Variants in SLIT3 observed in about 807,000 individuals in gnomAD.
SLIT3 encodes slit homolog 3 protein.
A neutral mutation model predicts 184.0 loss-of-function variants in SLIT3; 68 were observed. The observed-to-expected ratio is 0.37, with a 90% CI of 0.30 to 0.45. The LOEUF is 0.45. SLIT3 is among the 20% of genes least tolerant of loss of function. SLIT3 has a pLI of 1.00. For synonymous variants in SLIT3, 831 were observed against 828.6 expected, an observed-to-expected ratio of 1.00 and a Z score of -0.05; for missense variants, 1,707 against 2,026.0, an observed-to-expected ratio of 0.84 and a Z score of 3.02.
intron 4 of SLIT3, among the ~76,000 whole-genome samples, chr5:168,889,914 C>A (rs9313426): frequency 0.41 from 61,362 of 151,456 alleles, 12,751 homozygotes; most frequent in Non-Finnish European, 0.45. Flanking sequence ...GAGGTTGAGG[C>A]GGGTGGATCA....
At chr5:168,878,881 A>C (rs1241799428) in intron 5 of SLIT3, among the ~76,000 whole-genome samples, 1 of 151,882 alleles carries the variant, frequency 6.6e-6, no homozygotes, top group African/African-American at 2.4e-5. Context: ...CACCCAGCTA[A>C]TTTTTGTATT....
rs369087952 is a variant in SLIT3 at position 168,893,152 on chromosome 5, C to T, written c.414-9816G>A. Among the ~76,000 whole-genome samples the T allele has an allele frequency of 3.9e-5, 6 of 152,304 alleles. No individual in the cohort carries two copies. In the East Asian group the frequency reaches 9.6e-4, roughly 24 times the overall value. Reference sequence around the variant, plus strand: ...ATTGAGTACCTGAGATAGTCCCCTGCCAATTTTGGACCCAATGAGAAGTTC... The same window carrying T: ...ATTGAGTACCTGAGATAGTCCCCTGTCAATTTTGGACCCAATGAGAAGTTC... On this transcript the variant is annotated intron_variant, in intron 4 of 35. Transcript: ENST00000519560.
At chr5:168,754,101 TC>T in intron 16 of SLIT3, 94 bp from the exon 17 acceptor site, 4 of 1,385,634 alleles carry the variant, frequency 2.9e-6, no homozygotes, top group Non-Finnish European at 3.9e-6. Flanking sequence ...CTGGGGACTC[TC>T]TGGGGCCCCT....
chr5:168,725,469 A>G (rs1763081038), intron 20 of SLIT3, among the ~76,000 whole-genome samples: 1 of 152,226 alleles, frequency 6.6e-6, no homozygotes, highest in Non-Finnish European at 1.5e-5. Flanking sequence ...GATGGCTTAC[A>G]AGAACTGCTT....
chr5:168,812,674 C>G (rs555223693), intron 8 of SLIT3, among the ~76,000 whole-genome samples: 1 of 152,042 alleles, frequency 6.6e-6, no homozygotes, highest in Non-Finnish European at 1.5e-5. Flanking sequence ...CAACAGACTG[C>G]GATGACAATG....
chr5:168,885,638 C>G (rs1760170859), intron 4 of SLIT3, among the ~76,000 whole-genome samples: 1 of 152,220 alleles, frequency 6.6e-6, no homozygotes, highest in Non-Finnish European at 1.5e-5. Flanking sequence ...TGGCTGCTCT[C>G]TCTGGCGGCT....
At chr5:168,691,100 C>G (rs1262745000) in intron 29 of SLIT3, among the ~76,000 whole-genome samples, 1 of 152,160 alleles carries the variant, frequency 6.6e-6, no homozygotes, top group East Asian at 1.9e-4. Context: ...GAACTTCTTT[C>G]TTTTCTAAAT....
chr5:169,088,592 A>G (rs1759416740), intron 4 of SLIT3, among the ~76,000 whole-genome samples: 1 of 152,140 alleles, frequency 6.6e-6, no homozygotes, highest in Non-Finnish European at 1.5e-5. Flanking sequence ...GGAGAGACTG[A>G]TAATTACACC....
Position 168,846,009 on chromosome 5 carries a change from C to A in SLIT3, c.486-1354G>T, listed in dbSNP as rs761533150. ...GACATGTCAAAGCTACCTTTGGGAACCCTCTTCCAGGGCTTTATTTTCTAC... is the reference window on the plus strand; with the variant it reads ...GACATGTCAAAGCTACCTTTGGGAAACCTCTTCCAGGGCTTTATTTTCTAC... On this transcript the variant is annotated intron_variant, in intron 5 of 35. Transcript: ENST00000519560. 3.3e-5 allele frequency among the ~76,000 whole-genome samples: 5 copies of A among 152,170 alleles called. No individual in the cohort carries two copies. In the South Asian group the frequency reaches 8.3e-4, roughly 25 times the overall value.
intron 2 of SLIT3, among the ~76,000 whole-genome samples, chr5:169,246,563 C>CA (rs1561764463): frequency 2.6e-5 from 4 of 152,084 alleles, no homozygotes; most frequent in African/African-American, 9.7e-5. Flanking sequence ...AAAGTTCTTA[C>CA]GAGAACAAAA....
chr5:168,731,080 C>T (rs1047900342), intron 20 of SLIT3, among the ~76,000 whole-genome samples: 1 of 151,830 alleles, frequency 6.6e-6, no homozygotes, highest in African/African-American at 2.4e-5. Context: ...CAAATAAATA[C>T]AATCAGAACT....
chr5:169,101,212 T>C (rs1481367430), intron 4 of SLIT3, among the ~76,000 whole-genome samples: 3 of 152,206 alleles, frequency 2.0e-5, no homozygotes, highest in Non-Finnish European at 2.9e-5. Flanking sequence ...AATAACACTT[T>C]GGTTTTTGCT....
intron 3 of SLIT3, among the ~76,000 whole-genome samples, chr5:169,221,029 C>T (rs1004750045): frequency 7.2e-5 from 11 of 152,194 alleles, no homozygotes; most frequent in African/African-American, 2.4e-4. Flanking sequence ...CCATGATGTG[C>T]CCTCAGGCTT....
intron 5 of SLIT3, among the ~76,000 whole-genome samples, chr5:168,856,779 G>GTT (rs1758886536): frequency 1.4e-5 from 2 of 143,038 alleles, no homozygotes; most frequent in South Asian, 4.6e-4. Flanking sequence ...GTGTGTGTGT[G>GTT]TGTGTGTGTG....
chr5:168,976,671 G>C (rs1438969244), intron 4 of SLIT3, among the ~76,000 whole-genome samples: 1 of 152,028 alleles, frequency 6.6e-6, no homozygotes, highest in Non-Finnish European at 1.5e-5. Context: ...TCTATCCCTG[G>C]GGTTGTCTGT....
At chr5:168,999,499 C>A (rs1755630790) in intron 4 of SLIT3, among the ~76,000 whole-genome samples, 1 of 151,696 alleles carries the variant, frequency 6.6e-6, no homozygotes, top group Admixed American at 6.6e-5. Flanking sequence ...TATCCCCATC[C>A]CCTTCCAATT....
intron 33 of SLIT3, among the ~76,000 whole-genome samples, chr5:168,671,824 C>G (rs754636147): frequency 2.6e-5 from 4 of 152,170 alleles, no homozygotes; most frequent in Admixed American, 6.5e-5. Context: ...ACCGTTCCCC[C>G]CAATAGGCAA....
At chr5:168,908,910 G>A (rs1431342386) in intron 4 of SLIT3, among the ~76,000 whole-genome samples, 1 of 152,200 alleles carries the variant, frequency 6.6e-6, no homozygotes, top group Non-Finnish European at 1.5e-5. Flanking sequence ...CACCTTACAA[G>A]TCCATCATAA....
intron 16 of SLIT3, among the ~76,000 whole-genome samples, chr5:168,755,448 T>TCTTTC (rs1419173588): frequency 1.6e-4 from 16 of 102,636 alleles, no homozygotes; most frequent in South Asian, 3.5e-4. Context: ...TTTCTTTCTT[T>TCTTTC]TTGAGACAGA....
Sources: allele counts gnomAD v4.1 joint callset (sites outside exome capture counted in the v4.1 genomes callset), GRCh38; gene constraint gnomAD v4.1.1; transcripts MANE v1.5; gene names NCBI Gene and HGNC (gene_info 2026-07-23, HGNC 2026-07-21).